Variants in SNX29 observed in about 807,000 individuals in gnomAD.
SNX29 encodes sorting nexin 29, also known as sorting nexin-29.
A neutral mutation model predicts 102.1 loss-of-function variants in SNX29; 78 were observed. The observed-to-expected ratio is 0.76, with a 90% CI of 0.64 to 0.92. The LOEUF is 0.92. Among genes scored for constraint, SNX29 ranks in the 40% least tolerant of loss-of-function variants. The pLI, the probability that SNX29 is intolerant of heterozygous loss-of-function variation, is 0.00. For synonymous variants in SNX29, 580 were observed against 414.5 expected (o/e 1.40, Z -4.85); for missense variants, 1,280 against 1,061.7 (o/e 1.21, Z -2.86).
At chr16:12,110,748 G>T (rs988097897) in intron 11 of SNX29, among the ~76,000 whole-genome samples, 2 of 152,156 alleles carry the variant, frequency 1.3e-5, no homozygotes, top group African/African-American at 4.8e-5. Flanking sequence ...ACAGTCTGTG[G>T]ACCTGAGCCC....
At chr16:12,368,390 A>T (rs866468942) in intron 16 of SNX29, among the ~76,000 whole-genome samples, 1 of 152,180 alleles carries the variant, frequency 6.6e-6, no homozygotes, top group African/African-American at 2.4e-5. Context: ...GAAACTTGGT[A>T]CTCTATAATG....
At chr16:12,527,194 A>G (rs1194872857) in intron 20 of SNX29, 2 of 533,058 alleles carry the variant, frequency 3.8e-6, no homozygotes, top group African/African-American at 3.7e-5. Context: ...GTCGGAATGT[A>G]CGGATTGTTT....
intron 11 of SNX29, among the ~76,000 whole-genome samples, chr16:12,091,748 G>C (rs1485574505): frequency 1.5e-5 from 2 of 129,504 alleles, no homozygotes; most frequent in Non-Finnish European, 1.6e-5. Context: ...CTGCACTCCA[G>C]CCTGGGCAAC....
intron 15 of SNX29, among the ~76,000 whole-genome samples, chr16:12,333,525 A>G (rs1400590780): frequency 1.3e-5 from 2 of 152,112 alleles, no homozygotes; most frequent in Non-Finnish European, 2.9e-5. Flanking sequence ...AATGATCAGT[A>G]TGGGTGTGCT....
intron 14 of SNX29, among the ~76,000 whole-genome samples, chr16:12,205,248 C>A (rs1369463494): frequency 6.6e-6 from 1 of 152,206 alleles, no homozygotes; most frequent in Non-Finnish European, 1.5e-5. Flanking sequence ...TGTTTCCACT[C>A]CCACTGTGCA....
intron 14 of SNX29, among the ~76,000 whole-genome samples, chr16:12,258,380 A>G (rs981011586): frequency 6.6e-6 from 1 of 152,046 alleles, no homozygotes; most frequent in Non-Finnish European, 1.5e-5. Flanking sequence ...TCCCCCCGTG[A>G]TAGCCCCATG....
At chr16:12,060,980 G>A (rs879430823) in intron 8 of SNX29, 29 of 412,558 alleles carry the variant, frequency 7.0e-5, no homozygotes, top group South Asian at 4.3e-4. Context: ...GCGGAGCAAC[G>A]CTAGCCCTAG....
At chr16:12,468,224 G>C (rs946674786) in intron 18 of SNX29, among the ~76,000 whole-genome samples, 3 of 134,050 alleles carry the variant, frequency 2.2e-5, no homozygotes, top group African/African-American at 8.5e-5. Context: ...TCCCAGGCTG[G>C]AGTGCAGTGG....
intron 14 of SNX29, among the ~76,000 whole-genome samples, chr16:12,274,083 G>T (rs1350354773): frequency 6.6e-6 from 1 of 152,102 alleles, no homozygotes; most frequent in Non-Finnish European, 1.5e-5. Flanking sequence ...TATGTATTAC[G>T]ATTGCTAGAA....
intron 12 of SNX29, among the ~76,000 whole-genome samples, chr16:12,128,778 C>T (rs370580874): frequency 6.6e-6 from 1 of 152,094 alleles, no homozygotes; most frequent in African/African-American, 2.4e-5. Context: ...CCTGATGTCA[C>T]GTGGCAAGTG....
At chr16:12,440,512 G>A (rs2085751101) in intron 18 of SNX29, among the ~76,000 whole-genome samples, 1 of 152,094 alleles carries the variant, frequency 6.6e-6, no homozygotes, top group Non-Finnish European at 1.5e-5. Flanking sequence ...GTGCCATGGG[G>A]GTTAGCTGTA....
At chr16:12,432,450 G>T (rs758320073) in intron 18 of SNX29, among the ~76,000 whole-genome samples, 63 of 152,182 alleles carry the variant, frequency 4.1e-4, no homozygotes, top group Non-Finnish European at 1.5e-4. Context: ...GCTGGTATGG[G>T]GAGTGCTCAG....
intron 11 of SNX29, among the ~76,000 whole-genome samples, chr16:12,097,816 T>C (rs1246604086): frequency 1.3e-5 from 2 of 152,192 alleles, no homozygotes; most frequent in Non-Finnish European, 2.9e-5. Context: ...TCAGACTTGT[T>C]TGAAATGTCA....
chr16:12,170,432 G>A (rs1276555957), intron 13 of SNX29, among the ~76,000 whole-genome samples: 3 of 152,014 alleles, frequency 2.0e-5, no homozygotes, highest in African/African-American at 7.2e-5. Context: ...TGTTACGTGG[G>A]GGAGACCACT....
chr16:12,567,736 C>T (rs1008921829), intron 20 of SNX29, among the ~76,000 whole-genome samples: 3 of 152,150 alleles, frequency 2.0e-5, no homozygotes, highest in Admixed American at 6.5e-5. Context: ...CACTGTAAAA[C>T]CTGGGCAAGA....
At chr16:12,548,010 G>T (rs1291706394) in intron 20 of SNX29, among the ~76,000 whole-genome samples, 1 of 152,090 alleles carries the variant, frequency 6.6e-6, no homozygotes. Flanking sequence ...GTGGCATCCT[G>T]GACTTTTGCA....
chr16:12,255,274 C>T (rs907756018), intron 14 of SNX29, among the ~76,000 whole-genome samples: 1 of 152,116 alleles, frequency 6.6e-6, no homozygotes, highest in African/African-American at 2.4e-5. Context: ...CGGCTCACTG[C>T]CACCTCTGCT....
chr16:12,189,817 A>T (rs888585166), intron 13 of SNX29, among the ~76,000 whole-genome samples: 1 of 152,064 alleles, frequency 6.6e-6, no homozygotes. Flanking sequence ...ATAATAATGG[A>T]TTATAAGCTG....
Position 12,356,197 on chromosome 16 carries a change from A to T in SNX29, c.1817A>T (p.Asn606Ile), listed in dbSNP as rs144110594. The T allele has an allele frequency of 6.2e-7, 1 of 1,613,248 alleles. No individual in the cohort carries two copies. Among genetic ancestry groups the T allele is most frequent in the South Asian group, 1.1e-5 (1 of 90,858 alleles). Residue 606 changes from asparagine (N) to isoleucine (I), a missense_variant, in exon 16 of 21, where the codon AAC becomes ATC. Transcript: ENST00000566228. The stretch of plus-strand genomic sequence containing the variant: ...ATGCATGGCGAGCTGATTGAGTTCA[A>T]CGAGCGCCTGCACAGGGCCCTGGTA... The part of the protein sequence containing the change: ...AEMHGELIEF[N>I]ERLHRALVAK...
Sources: gnomAD v4.1 joint callset for allele counts (sites outside exome capture counted in the v4.1 genomes callset) on GRCh38, gnomAD v4.1.1 for gene constraint, MANE v1.5 for transcripts, NCBI Gene and HGNC (gene_info 2026-07-23, HGNC 2026-07-21) for gene names.